Variants in PDGFRA observed in about 807,000 individuals in gnomAD.
PDGFRA encodes the protein platelet derived growth factor receptor alpha, also known as platelet-derived growth factor receptor alpha.
Under a neutral mutation model 121.5 loss-of-function variants are expected in PDGFRA, and 25 were observed. That is an observed-to-expected ratio of 0.21 (90% CI 0.15 to 0.29). The LOEUF is 0.29. Ranked by LOEUF, PDGFRA falls within the 10% of genes least tolerant of loss-of-function variation. The pLI is 1.00. For synonymous variants in PDGFRA, 463 were observed against 494.8 expected (o/e 0.94, Z 0.85); for missense variants, 1,008 against 1,345.1 (o/e 0.75, Z 3.92).
chr4:54,243,918 G>A (rs567495172), intron 1 of PDGFRA, among the ~76,000 whole-genome samples: 8 of 152,320 alleles, frequency 5.3e-5, no homozygotes, highest in African/African-American at 1.2e-4. Flanking sequence ...ATTATATCCC[G>A]CACATGGCTC....
intron 16 of PDGFRA, chr4:54,281,996 T>C (rs2110329307): frequency 1.9e-6 from 2 of 1,062,812 alleles, no homozygotes; most frequent in East Asian, 1.2e-4. Flanking sequence ...ATGTAGCTTG[T>C]ATGTGTGCTC....
chr4:54,239,997 T>C, intron 1 of PDGFRA: 1 of 400,024 alleles, frequency 2.5e-6, no homozygotes, highest in Non-Finnish European at 5.1e-6. Flanking sequence ...ACTATAGGCA[T>C]GCACCACCAC....
Position 54,273,425 on chromosome 4 carries a change from C to T in PDGFRA, c.1365-112C>T, listed in dbSNP as rs117503768. ...TAAAATAAATCAGTGTGTATTGCCCCGAAATGCAGACAAGGTCCCAACTCC... is the reference window on the plus strand; with the variant it reads ...TAAAATAAATCAGTGTGTATTGCCCTGAAATGCAGACAAGGTCCCAACTCC... On this transcript the variant is annotated intron_variant, in intron 9 of 22. Coordinates refer to ENST00000257290, the MANE Select transcript of PDGFRA (RefSeq NM_006206.6). 57 of 838,030 alleles carry T rather than the reference C, an allele frequency of 6.8e-5. 1 individual carries two copies. Among genetic ancestry groups the T allele is most frequent in the South Asian group, 6.3e-4 (46 of 73,288 alleles). 51.9% of individuals were successfully genotyped at this position (838,030 alleles called of 1,614,324 possible). A position where few individuals can be genotyped will look rare whatever the true frequency, so the allele number is the denominator to read the frequency against.
intron 4 of PDGFRA, 59 bp downstream of exon 4, chr4:54,263,986 C>T (rs761746879): frequency 2.7e-5 from 40 of 1,488,850 alleles, no homozygotes; most frequent in Middle Eastern, 1.8e-4. Flanking sequence ...TCATAAGGTG[C>T]GTGTAGGATT....
At chr4:54,285,566 T>C in intron 17 of PDGFRA, 80 bp downstream of exon 17, 1 of 786,562 alleles carries the variant, frequency 1.3e-6, no homozygotes, top group South Asian at 1.4e-5. Flanking sequence ...GAGATAGATG[T>C]TGGAAAGGCC....
chr4:54,269,930 G>A (rs915030878), intron 7 of PDGFRA, among the ~76,000 whole-genome samples: 4 of 151,808 alleles, frequency 2.6e-5, no homozygotes, highest in African/African-American at 7.3e-5. Flanking sequence ...GGGATTACAG[G>A]TGTGAGTCAT....
chr4:54,298,173 G>C lies in PDGFRA; in HGVS notation c.*2901G>C, dbSNP rs1159759389. On this transcript the variant is annotated 3_prime_UTR_variant, in exon 23 of 23. Transcript: ENST00000257290. ...TACAAAATGTATTACGAATGCCCCT[G>C]TTCATGTTTTTGTTTTAAAACGTGT... The C allele has an allele frequency of 9.6e-6, 2 of 208,364 alleles. No individual in the cohort carries two copies. Among genetic ancestry groups the C allele is most frequent in the Non-Finnish European group, 2.0e-5 (2 of 102,096 alleles). The allele number at this position is 208,364 out of a possible 1,614,324, so 12.9% of individuals were successfully genotyped here.
chr4:54,289,839 T>A (rs1471898218), intron 21 of PDGFRA, among the ~76,000 whole-genome samples: 5 of 152,238 alleles, frequency 3.3e-5, no homozygotes, highest in African/African-American at 1.2e-4. Flanking sequence ...CCTCAGTTGG[T>A]CAAAGATGCT....
At chr4:54,237,598 G>A (rs1012146312) in intron 1 of PDGFRA, among the ~76,000 whole-genome samples, 3 of 152,200 alleles carry the variant, frequency 2.0e-5, no homozygotes, top group Non-Finnish European at 4.4e-5. Flanking sequence ...ACTGCTAATT[G>A]TGGTAAATCA....
rs1577705874 is a variant in PDGFRA at position 54,261,402 on chromosome 4, C to G, written c.357C>G (p.Ile119Met). 1.2e-6 allele frequency: 2 copies of G among 1,612,916 alleles called. No homozygotes were observed. The highest frequency in any genetic ancestry group is 1.7e-6 in the Non-Finnish European group (2 of 1,178,952). The change falls in exon 3 of 23, where the codon ATC (isoleucine) becomes ATG (methionine). Residue 119 changes from isoleucine to methionine, a missense_variant. Transcript: ENST00000257290. Reference sequence around the variant, plus strand: ...AGCTTGAAGGCAGGCACATTTACATCTATGTGCCAGGTGAGTTGGCTGGGT... The same window carrying G: ...AGCTTGAAGGCAGGCACATTTACATGTATGTGCCAGGTGAGTTGGCTGGGT... ...ENELEGRHIY[I>M]YVPDPDVAFV...
intron 16 of PDGFRA, among the ~76,000 whole-genome samples, chr4:54,282,719 C>T (rs887316990): frequency 2.0e-5 from 3 of 152,204 alleles, no homozygotes; most frequent in Admixed American, 1.3e-4. Context: ...CTCATTCCAG[C>T]ATCAACTCAA....
intron 1 of PDGFRA, among the ~76,000 whole-genome samples, chr4:54,233,577 A>G (rs997531709): frequency 5.3e-5 from 8 of 152,194 alleles, no homozygotes; most frequent in African/African-American, 1.7e-4. Context: ...AGCGGAGGCT[A>G]ATCTGGGTCA....
At chr4:54,260,582 A>G (rs550676794) in intron 2 of PDGFRA, among the ~76,000 whole-genome samples, 1 of 150,696 alleles carries the variant, frequency 6.6e-6, no homozygotes, top group East Asian at 2.0e-4. Flanking sequence ...TTATTTTTTT[A>G]TTTTTTGTGG....
intron 18 of PDGFRA, among the ~76,000 whole-genome samples, chr4:54,286,194 A>C (rs922891739): frequency 6.6e-6 from 1 of 152,038 alleles, no homozygotes; most frequent in African/African-American, 2.4e-5. Flanking sequence ...TGTCTCCCTG[A>C]TTGTAGTGGG....
At chr4:54,230,146 G>A (rs1410787627) in intron 1 of PDGFRA, among the ~76,000 whole-genome samples, 1 of 152,184 alleles carries the variant, frequency 6.6e-6, no homozygotes, top group East Asian at 2.0e-4. Context: ...GGCGGCTGCG[G>A]GACAAGCAGA....
chr4:54,290,221 C>A, intron 21 of PDGFRA, 92 bp from the exon 22 acceptor site: 2 of 1,028,954 alleles, frequency 1.9e-6, no homozygotes, highest in Non-Finnish European at 1.5e-6. Flanking sequence ...GAGATATGTA[C>A]AGTTAAATAA....
chr4:54,280,622 C>A, intron 16 of PDGFRA, 140 bp downstream of exon 16: 1 of 689,952 alleles, frequency 1.4e-6, no homozygotes, highest in Non-Finnish European at 2.6e-6. Flanking sequence ...GTCTGCACAA[C>A]CAGTTCTGTG....
At position 54,297,508 on chromosome 4, in the gene PDGFRA, C is replaced by T. The variant is rs1397161771; in HGVS notation, c.*2236C>T. On this transcript the variant is annotated 3_prime_UTR_variant, in exon 23 of 23. Transcript: ENST00000257290. Reference sequence around the variant, plus strand: ...AAGCATTCTGTTTATCGCTCACTCTCCCTTGTACAGCCTTATTTTGTTGGT... The same window carrying T: ...AAGCATTCTGTTTATCGCTCACTCTTCCTTGTACAGCCTTATTTTGTTGGT... The T allele has an allele frequency of 8.6e-6, 2 of 233,596 alleles. No individual in the cohort carries two copies. Among genetic ancestry groups the T allele is most frequent in the African/African-American group, 2.2e-5 (1 of 45,354 alleles). The allele number at this position is 233,596 out of a possible 1,614,324, so 14.5% of individuals were successfully genotyped here. A position where few individuals can be genotyped will look rare whatever the true frequency, so the allele number is the denominator to read the frequency against.
At chr4:54,252,546 G>A (rs1722112319) in intron 1 of PDGFRA, among the ~76,000 whole-genome samples, 1 of 152,142 alleles carries the variant, frequency 6.6e-6, no homozygotes, top group South Asian at 2.1e-4. Context: ...CTGCACTTGG[G>A]TTGTCTGGGC....
Sources: gnomAD v4.1 joint callset for allele counts (sites outside exome capture counted in the v4.1 genomes callset) on GRCh38, gnomAD v4.1.1 for gene constraint, MANE v1.5 for transcripts, NCBI Gene and HGNC (gene_info 2026-07-23, HGNC 2026-07-21) for gene names.